Variants in SLC4A4 observed in about 807,000 individuals in gnomAD.
SLC4A4 encodes solute carrier family 4 member 4.
SLC4A4 carries 27 observed loss-of-function variants against 111.5 expected under a neutral mutation model. The ratio of observed to expected loss-of-function variants is 0.24; its 90% confidence interval spans 0.18 to 0.33. SLC4A4 has a LOEUF of 0.33. Ranked by LOEUF, SLC4A4 falls within the 10% of genes least tolerant of loss-of-function variation. The probability of loss-of-function intolerance (pLI) is 1.00; values close to 1 mark genes in which losing one functional copy is unlikely to be tolerated. For missense variants in SLC4A4, 909 were observed against 1,315.5 expected (o/e 0.69, Z 4.78); for synonymous variants, 443 against 463.4 (o/e 0.96, Z 0.57).
intron 3 of SLC4A4, among the ~76,000 whole-genome samples, chr4:71,306,679 A>C (rs1337969687): frequency 6.6e-6 from 1 of 152,256 alleles, no homozygotes; most frequent in Non-Finnish European, 1.5e-5. Flanking sequence ...TAAGGATAGT[A>C]ATTGCATAAT....
At chr4:71,391,390 A>ATATGTACACATTCAAATATC (rs1719244525) in intron 6 of SLC4A4, among the ~76,000 whole-genome samples, 2 of 152,094 alleles carry the variant, frequency 1.3e-5, no homozygotes, top group African/African-American at 2.4e-5. Flanking sequence ...TATTACATTA[A>ATATGTACACATTCAAATATC]TATGTACACA....
intron 7 of SLC4A4, among the ~76,000 whole-genome samples, chr4:71,421,557 C>G (rs1470982772): frequency 1.3e-5 from 2 of 152,130 alleles, no homozygotes; most frequent in African/African-American, 4.8e-5. Flanking sequence ...CACACCACAC[C>G]TATTCCAAAA....
At chr4:71,388,993 T>G (rs1268054253) in intron 6 of SLC4A4, among the ~76,000 whole-genome samples, 2 of 152,182 alleles carry the variant, frequency 1.3e-5, no homozygotes, top group African/African-American at 4.8e-5. Flanking sequence ...TATTTGATAT[T>G]GAGATGTATT....
At chr4:71,447,608 T>C (rs777665210) in intron 8 of SLC4A4, 38 bp from the exon 9 acceptor site, 1 of 1,248,434 alleles carries the variant, frequency 8.0e-7, no homozygotes, top group South Asian at 1.2e-5. Flanking sequence ...TTTGATGAAA[T>C]GTGTGTTATA....
chr4:71,556,215 G>A (rs996687673), intron 21 of SLC4A4, among the ~76,000 whole-genome samples: 2 of 151,852 alleles, frequency 1.3e-5, no homozygotes, highest in Non-Finnish European at 2.9e-5. Flanking sequence ...AGTAGAGTTC[G>A]TCATCTTTTG....
chr4:71,249,700 C>T (rs527941652), intron 2 of SLC4A4, among the ~76,000 whole-genome samples: 4 of 152,012 alleles, frequency 2.6e-5, no homozygotes, highest in Non-Finnish European at 2.9e-5. Flanking sequence ...ACCAGCCTGG[C>T]CAACATGGTG....
At chr4:71,105,737 G>A (rs1282694773) in intron 2 of SLC4A4, among the ~76,000 whole-genome samples, 2 of 126,674 alleles carry the variant, frequency 1.6e-5, no homozygotes, top group African/African-American at 3.2e-5. Flanking sequence ...AGCTGAAACT[G>A]GATCCCTTCC....
chr4:71,482,112 C>T (rs1282292869), intron 14 of SLC4A4, among the ~76,000 whole-genome samples: 4 of 151,664 alleles, frequency 2.6e-5, no homozygotes, highest in Admixed American at 6.6e-5. Flanking sequence ...TGGTAACCAA[C>T]GGTTCTTGTA....
At chr4:71,418,984 G>T (rs554156459) in intron 7 of SLC4A4, among the ~76,000 whole-genome samples, 3 of 152,166 alleles carry the variant, frequency 2.0e-5, no homozygotes, top group African/African-American at 7.2e-5. Context: ...CTGGGTATCC[G>T]CAGCGGTGTT....
At chr4:71,434,947 T>C (rs1349598519) in intron 7 of SLC4A4, among the ~76,000 whole-genome samples, 11 of 152,216 alleles carry the variant, frequency 7.2e-5, no homozygotes, top group Admixed American at 6.5e-4. Flanking sequence ...AAACATTCCA[T>C]GCTCATGAAT....
chr4:71,089,221 GT>G (rs1742298356), intron 1 of SLC4A4, among the ~76,000 whole-genome samples: 1 of 151,996 alleles, frequency 6.6e-6, no homozygotes, highest in Non-Finnish European at 1.5e-5. Flanking sequence ...TCGTCACATA[GT>G]TTTGTGCCAT....
intron 3 of SLC4A4, among the ~76,000 whole-genome samples, chr4:71,295,441 C>T (rs1724710888): frequency 6.6e-6 from 1 of 152,102 alleles, no homozygotes; most frequent in Non-Finnish European, 1.5e-5. Context: ...AGAGGTTTTA[C>T]CTTGATTTTC....
intron 2 of SLC4A4, among the ~76,000 whole-genome samples, chr4:71,134,217 T>G (rs1664351247): frequency 6.6e-6 from 1 of 152,248 alleles, no homozygotes; most frequent in African/African-American, 2.4e-5. Flanking sequence ...AACACAAGGC[T>G]TCAAGAATAT....
chr4:71,199,119 T>C (rs535955623), intron 1 of SLC4A4, among the ~76,000 whole-genome samples: 2 of 152,336 alleles, frequency 1.3e-5, no homozygotes, highest in East Asian at 3.9e-4. Flanking sequence ...TGTAGAATAA[T>C]TTCCTGTTCT....
At chr4:71,161,072 G>A (rs979187508) in intron 2 of SLC4A4, among the ~76,000 whole-genome samples, 26 of 152,212 alleles carry the variant, frequency 1.7e-4, no homozygotes, top group Admixed American at 6.5e-5. Flanking sequence ...GAGGGCCAGA[G>A]GGCGGAGAGA....
chr4:71,259,205 A>G (rs188402421), intron 3 of SLC4A4, among the ~76,000 whole-genome samples: 1 of 152,352 alleles, frequency 6.6e-6, no homozygotes, highest in East Asian at 1.9e-4. Context: ...AGGCACATTA[A>G]GGAGATGGCA....
chr4:71,088,565 G>A (rs1742269783), intron 1 of SLC4A4, among the ~76,000 whole-genome samples: 1 of 151,942 alleles, frequency 6.6e-6, no homozygotes, highest in Non-Finnish European at 1.5e-5. Flanking sequence ...TCCATGTTTA[G>A]TGCTTCCTTC....
At chr4:71,489,518 T>C (rs1729712969) in intron 15 of SLC4A4, among the ~76,000 whole-genome samples, 1 of 151,804 alleles carries the variant, frequency 6.6e-6, no homozygotes, top group African/African-American at 2.4e-5. Flanking sequence ...GCATAATGGA[T>C]GGCATGTAGT....
chr4:71,449,649 G>C (rs934355610), intron 9 of SLC4A4, among the ~76,000 whole-genome samples: 1 of 152,142 alleles, frequency 6.6e-6, no homozygotes, highest in African/African-American at 2.4e-5. Flanking sequence ...GAAGACTAAA[G>C]AATTTGACTT....
Sources: gnomAD v4.1 joint callset for allele counts (sites outside exome capture counted in the v4.1 genomes callset) on GRCh38, gnomAD v4.1.1 for gene constraint, MANE v1.5 for transcripts, NCBI Gene and HGNC (gene_info 2026-07-23, HGNC 2026-07-21) for gene names.